POMT2: variants seen among roughly 807,000 people sequenced by gnomAD.
POMT2 encodes protein O-mannosyl-transferase 2.
A neutral mutation model predicts 100.0 loss-of-function variants in POMT2; 75 were observed. That is an observed-to-expected ratio of 0.75 (90% CI 0.62 to 0.91). POMT2 has a LOEUF of 0.91. Among genes scored for constraint, POMT2 ranks in the 40% least tolerant of loss-of-function variants. The pLI, the probability that POMT2 is intolerant of heterozygous loss-of-function variation, is 0.00. For synonymous variants in POMT2, 378 were observed against 374.1 expected, an observed-to-expected ratio of 1.01 and a Z score of -0.12; for missense variants, 940 against 955.1, an observed-to-expected ratio of 0.98 and a Z score of 0.21.
At position 77,320,468 on chromosome 14, in the gene POMT2, G is replaced by C. The variant is rs775542942; in HGVS notation, c.214C>G (p.Arg72Gly). 9 of 1,545,632 alleles carry C rather than the reference G, an allele frequency of 5.8e-6. No homozygotes were observed. In the South Asian group the frequency reaches 9.5e-5, roughly 16 times the overall value. ...ALVTLLSFATRFHRLDEPPHI... is the reference protein window; with the variant it reads ...ALVTLLSFATGFHRLDEPPHI... The stretch of plus-strand genomic sequence containing the variant: ...GGCGGCTCGTCCAAGCGGTGGAAGC[G>C]GGTGGCGAAGGACAGCAGCGTCACC... Residue 72 changes from arginine (R) to glycine (G), a missense_variant, in exon 1 of 21, where the codon CGC (arginine) becomes GGC (glycine). Physicochemically the swap from Arg to Gly is moderately radical, Grantham distance 125. Transcript: ENST00000261534.
At chr14:77,289,167 G>A (rs1212436466) in intron 10 of POMT2, among the ~76,000 whole-genome samples, 1 of 151,920 alleles carries the variant, frequency 6.6e-6, no homozygotes. Context: ...GAGGCGGGCA[G>A]AACACCTGAG....
chr14:77,290,369 G>T (rs566695600), intron 10 of POMT2, among the ~76,000 whole-genome samples: 2 of 152,202 alleles, frequency 1.3e-5, no homozygotes, highest in Admixed American at 6.5e-5. Flanking sequence ...GCCCAATGGT[G>T]TCGTAATTTA....
chr14:77,291,623 T>C, intron 9 of POMT2: 2 of 610,992 alleles, frequency 3.3e-6, no homozygotes, highest in South Asian at 2.1e-5. Context: ...TTTGTTTCTT[T>C]GTATCTTTCT....
intron 8 of POMT2, 67 bp from the exon 9 acceptor site, chr14:77,296,340 G>A: frequency 1.7e-6 from 2 of 1,169,918 alleles, no homozygotes; most frequent in East Asian, 2.5e-5. Flanking sequence ...TGCCTGCGAG[G>A]AGCCTCGGAA....
chr14:77,304,157 G>C (rs899319709), intron 4 of POMT2, among the ~76,000 whole-genome samples: 1 of 152,160 alleles, frequency 6.6e-6, no homozygotes, highest in East Asian at 1.9e-4. Flanking sequence ...GCTCCACAAG[G>C]TCATGAATTC....
chr14:77,294,621 C>A (rs1890757271), intron 9 of POMT2, among the ~76,000 whole-genome samples: 1 of 152,204 alleles, frequency 6.6e-6, no homozygotes, highest in Admixed American at 6.5e-5. Context: ...GTTTTTAAAA[C>A]CATTTTTAAA....
intron 9 of POMT2, among the ~76,000 whole-genome samples, chr14:77,293,939 A>T (rs1443313471): frequency 6.6e-6 from 1 of 152,212 alleles, no homozygotes; most frequent in Non-Finnish European, 1.5e-5. Flanking sequence ...GAGAACACAG[A>T]ACATCTAGTT....
At chr14:77,298,597 AAT>A in intron 8 of POMT2, 90 bp downstream of exon 8, 2 of 1,406,688 alleles carry the variant, frequency 1.4e-6, no homozygotes, top group Non-Finnish European at 2.0e-6. Flanking sequence ...CACAGGCTAA[AAT>A]AACCCAAAGC....
intron 4 of POMT2, 36 bp downstream of exon 4, chr14:77,304,656 T>C (rs763666532): frequency 6.4e-7 from 1 of 1,557,084 alleles, no homozygotes; most frequent in East Asian, 2.4e-5. Flanking sequence ...TGGCAGCCCA[T>C]TTCCCAAAAG....
At chr14:77,315,917 C>T (rs1166762314) in intron 1 of POMT2, among the ~76,000 whole-genome samples, 1 of 152,196 alleles carries the variant, frequency 6.6e-6, no homozygotes, top group Non-Finnish European at 1.5e-5. Flanking sequence ...GAGGCTAAGG[C>T]AGAGAATTGC....
intron 4 of POMT2, 76 bp from the exon 5 acceptor site, chr14:77,303,019 G>A (rs1891104027): frequency 2.8e-6 from 3 of 1,079,382 alleles, no homozygotes; most frequent in South Asian, 1.3e-5. Context: ...CCCAGTAGTA[G>A]GAAACAGTCC....
In POMT2 at chr14:77,320,662, C is replaced by T. The variant is rs763325075; in HGVS notation, c.20G>A (p.Gly7Glu). The T allele has an allele frequency of 5.6e-6, 9 of 1,593,428 alleles. No individual in the cohort carries two copies. The East Asian group carries it at 1.8e-4, about 32-fold the overall frequency. MPPATG[G>E]GLAESELRPR... The stretch of plus-strand genomic sequence containing the variant: ...ACGCAGCTCGGACTCTGCCAGGCCT[C>T]CGCCCGTGGCCGGCGGCATCTTCCC... Residue 7 changes from glycine to glutamate, a missense_variant, in exon 1 of 21, where the codon GGA becomes GAA. Transcript: ENST00000261534.
At position 77,305,045 on chromosome 14, in the gene POMT2, C is replaced by T. The variant is rs573770496; in HGVS notation, c.439-245G>A. 1.2e-4 allele frequency among the ~76,000 whole-genome samples: 19 copies of T among 152,244 alleles called. 1 individual carries two copies. The South Asian group carries it at 3.3e-3, about 27-fold the overall frequency. ...CTGACATGAAATCAGCAAGTTCAGC[C>T]AGGAAGGTGTGGGTAGGAGACAGGG... On this transcript the variant is annotated intron_variant, in intron 3 of 20. Coordinates refer to ENST00000261534, the MANE Select transcript of POMT2 (RefSeq NM_013382.7).
intron 9 of POMT2, among the ~76,000 whole-genome samples, chr14:77,295,224 T>C (rs944676413): frequency 2.0e-4 from 30 of 152,178 alleles, no homozygotes; most frequent in African/African-American, 7.2e-4. Flanking sequence ...CGTTCACTCA[T>C]TCAGATGATA....
At chr14:77,283,758 G>A (rs1250910433) in intron 15 of POMT2, 39 bp downstream of exon 15, 7 of 1,517,862 alleles carry the variant, frequency 4.6e-6, no homozygotes, top group Non-Finnish European at 6.4e-6. Context: ...CTGCCCAAAA[G>A]CTCTTAGAGA....
intron 1 of POMT2, among the ~76,000 whole-genome samples, chr14:77,313,456 C>A (rs1891512694): frequency 1.3e-5 from 2 of 152,212 alleles, no homozygotes; most frequent in Admixed American, 6.5e-5. Context: ...CCGCCAAAAT[C>A]ACTTATTCTC....
Position 77,278,420 on chromosome 14 carries a change from C to G in POMT2, c.2121G>C (p.Leu707=), listed in dbSNP as rs1890061799. Residue 707 remains leucine (L), a synonymous_variant, in exon 20 of 21, where the codon CTG becomes CTC. Transcript: ENST00000261534. The part of the protein sequence containing the change: ...LARGIHVAGI[L]SLLLGTAYSF... ...TGTAGGCAGTTCCCAGGAGCAGGCT[C>G]AGGATTCCCGCCACATGTATGCCCC... The G allele has an allele frequency of 6.8e-7, 1 of 1,480,832 alleles. No individual in the cohort carries two copies. Among genetic ancestry groups the G allele is most frequent in the Non-Finnish European group, 9.2e-7 (1 of 1,083,594 alleles). The allele number at this position is 1,480,832 out of a possible 1,614,324, so 91.7% of individuals were successfully genotyped here. A position where few individuals can be genotyped will look rare whatever the true frequency, so the allele number is the denominator to read the frequency against.
At chr14:77,300,501 G>C (rs1447347794) in intron 6 of POMT2, 6 of 161,026 alleles carry the variant, frequency 3.7e-5, no homozygotes, top group Admixed American at 2.9e-4. Flanking sequence ...CTCCAAATAT[G>C]GAGACCGTGG....
chr14:77,304,235 GATT>G (rs1891149245), intron 4 of POMT2, among the ~76,000 whole-genome samples: 1 of 152,226 alleles, frequency 6.6e-6, no homozygotes, highest in Admixed American at 6.5e-5. Context: ...TCCATGTGAA[GATT>G]ATTATCCAAG....
Sources: allele counts gnomAD v4.1 joint callset (sites outside exome capture counted in the v4.1 genomes callset), GRCh38; gene constraint gnomAD v4.1.1; transcripts MANE v1.5; gene names NCBI Gene and HGNC (gene_info 2026-07-23, HGNC 2026-07-21).